The following SCN9A variants were observed in gnomAD, a reference collection of about 807,000 sequenced individuals.
SCN9A encodes the protein sodium channel protein type 9 subunit alpha.
A neutral mutation model predicts 187.0 loss-of-function variants in SCN9A; 131 were observed. That is an observed-to-expected ratio of 0.70 (90% CI 0.61 to 0.81). SCN9A has a LOEUF of 0.81. Ranked by LOEUF, SCN9A falls within the 30% of genes least tolerant of loss-of-function variation. The pLI is 0.00. For synonymous variants in SCN9A, 809 were observed against 808.6 expected (o/e 1.00, Z -0.01); for missense variants, 2,252 against 2,396.6 (o/e 0.94, Z 1.26).
intron 24 of SCN9A, among the ~76,000 whole-genome samples, chr2:166,210,183 C>A (rs1226527053): frequency 6.6e-6 from 1 of 152,048 alleles, no homozygotes; most frequent in African/African-American, 2.4e-5. Context: ...TGGAAACCAT[C>A]ATTCTCAGCA....
intron 18 of SCN9A, chr2:166,249,373 C>T (rs930536930): frequency 2.2e-4 from 33 of 152,086 alleles, no homozygotes; most frequent in Admixed American, 2.1e-3. Context: ...TGGAACTGGA[C>T]CTGGCACACA....
At chr2:166,201,462 TATA>T (rs1693520910) in intron 26 of SCN9A, among the ~76,000 whole-genome samples, 2 of 130,564 alleles carry the variant, frequency 1.5e-5, no homozygotes, top group Admixed American at 1.6e-4. Flanking sequence ...ATACTATATA[TATA>T]GTATAGAGTA....
chr2:166,364,527 C>T (rs1044570280), intron 1 of SCN9A, among the ~76,000 whole-genome samples: 4 of 152,054 alleles, frequency 2.6e-5, no homozygotes, highest in African/African-American at 7.2e-5. Context: ...ATATATGCTA[C>T]GACCCGGATG....
chr2:166,286,232 T>G, intron 11 of SCN9A, 104 bp downstream of exon 11: 59 of 1,088,750 alleles, frequency 5.4e-5, no homozygotes, highest in Non-Finnish European at 6.7e-5. Flanking sequence ...ATCATACCAA[T>G]GAAATCACTC....
At chr2:166,304,126 T>C (rs1214581471) in intron 6 of SCN9A, 112 bp downstream of exon 6, 3 of 1,613,330 alleles carry the variant, frequency 1.9e-6, no homozygotes, top group Admixed American at 3.3e-5. Flanking sequence ...CACATATCTG[T>C]AATAGGGGAG....
In SCN9A at chr2:166,286,353, A is replaced by T. The variant is rs1260425144; in HGVS notation, c.1585T>A (p.Leu529Met). Residue 529 changes from leucine (L) to methionine (M), a missense_variant, in exon 11 of 27, where the codon TTG (leucine) becomes ATG (methionine). Leu to Met is a conservative substitution (Grantham distance 15). This residue lies in a region of SCN9A where 1,013 missense variants were observed against 997.4 expected (regional missense o/e 1.02). Transcript: ENST00000642356. Reference protein sequence around the residue: ...EGHRRAHEKRLSTPNQSPLSI... With the variant: ...EGHRRAHEKRMSTPNQSPLSI... ...GGTGGTACCTGATTGGGGGTAGACA[A>T]CCTCTTTTCATGTGCTCGCCTATGC... is the stretch of plus-strand genomic sequence containing the variant. The T allele has an allele frequency of 9.3e-6, 15 of 1,609,002 alleles. No homozygotes were observed. Among genetic ancestry groups the T allele is most frequent in the Non-Finnish European group, 1.3e-5 (15 of 1,178,310 alleles).
chr2:166,228,654 A>G (rs1234647865), intron 22 of SCN9A, 37 bp downstream of exon 22: 6 of 1,516,376 alleles, frequency 4.0e-6, no homozygotes, highest in Non-Finnish European at 4.5e-6. Flanking sequence ...TCCAATATCT[A>G]TTAAAATACC....
chr2:166,348,926 G>C (rs1212901334), intron 1 of SCN9A, among the ~76,000 whole-genome samples: 1 of 152,068 alleles, frequency 6.6e-6, no homozygotes, highest in Non-Finnish European at 1.5e-5. Context: ...GGAAGTTCAA[G>C]ACCAGCCTGA....
chr2:166,326,935 A>G (rs1177886704), intron 1 of SCN9A, among the ~76,000 whole-genome samples: 1 of 152,168 alleles, frequency 6.6e-6, no homozygotes, highest in Non-Finnish European at 1.5e-5. Context: ...CTTCAGGCTG[A>G]AGACTGGGAC....
Position 166,199,140 on chromosome 2 carries a change from A to C in SCN9A, c.5499T>G (p.Gly1833=), listed in dbSNP as rs1260408906. The change falls in exon 27 of 27, where the codon GGT becomes GGG. Residue 1833 remains glycine (G), a synonymous_variant. Coordinates refer to ENST00000642356, the MANE Select transcript of SCN9A (RefSeq NM_001365536.1). ...AGATGTCAAGACAATGGATCCGGTCACCACTAACCATGGGCAGATCCATGG... is the reference window on the plus strand; with the variant it reads ...AGATGTCAAGACAATGGATCCGGTCCCCACTAACCATGGGCAGATCCATGG... The part of the protein sequence containing the change: ...LIAMDLPMVS[G]DRIHCLDILF... The C allele has an allele frequency of 6.2e-7, 1 of 1,614,190 alleles. No homozygotes were observed. The highest frequency in any genetic ancestry group is 1.1e-5 in the South Asian group (1 of 91,076).
intron 1 of SCN9A, among the ~76,000 whole-genome samples, chr2:166,365,698 T>A (rs1199962084): frequency 6.6e-6 from 1 of 152,228 alleles, no homozygotes; most frequent in Non-Finnish European, 1.5e-5. Flanking sequence ...ATTTACTTCA[T>A]GTCTCTACTC....
intron 1 of SCN9A, among the ~76,000 whole-genome samples, chr2:166,351,828 G>A (rs931826837): frequency 1.3e-5 from 2 of 151,992 alleles, no homozygotes; most frequent in Non-Finnish European, 2.9e-5. Context: ...TCATTATGGA[G>A]TTTTAAATAA....
Position 166,299,928 on chromosome 2 carries a change from C to T in SCN9A, c.901+3162G>A, listed in dbSNP as rs1048960567. On this transcript the variant is annotated intron_variant, in intron 7 of 26. Coordinates refer to ENST00000642356, the MANE Select transcript of SCN9A (RefSeq NM_001365536.1). ...TTGCAGCCAGAAACTGAGAAGTCAT[C>T]CTCAATGCTTCCTGTCTTCTTTAAT... Among the ~76,000 whole-genome samples, 4 of 150,870 alleles carry T rather than the reference C, an allele frequency of 2.7e-5. 1 individual carries two copies. Among genetic ancestry groups the T allele is most frequent in the African/African-American group, 7.5e-5 (3 of 40,250 alleles).
At chr2:166,217,958 C>A (rs1694407208) in intron 24 of SCN9A, among the ~76,000 whole-genome samples, 1 of 151,888 alleles carries the variant, frequency 6.6e-6, no homozygotes, top group Non-Finnish European at 1.5e-5. Flanking sequence ...TTACAAGAAC[C>A]AAGACATATT....
At chr2:166,273,201 C>T (rs770956805) in intron 16 of SCN9A, among the ~76,000 whole-genome samples, 2 of 152,050 alleles carry the variant, frequency 1.3e-5, no homozygotes, top group Non-Finnish European at 2.9e-5. Flanking sequence ...GCAGTAGTGC[C>T]TTAATCAAGT....
At chr2:166,374,931 C>A (rs1283891982) in intron 1 of SCN9A, among the ~76,000 whole-genome samples, 1 of 150,550 alleles carries the variant, frequency 6.6e-6, no homozygotes, top group African/African-American at 2.4e-5. Context: ...AAAAAAAAAA[C>A]TAAAATAATG....
chr2:166,352,061 A>C (rs1392127936), intron 1 of SCN9A, among the ~76,000 whole-genome samples: 8 of 152,168 alleles, frequency 5.3e-5, no homozygotes, highest in Admixed American at 3.3e-4. Flanking sequence ...CAATGTTAAA[A>C]TAGTACTTGA....
rs754646586 is a variant in SCN9A, at chr2:166,284,671, C to T, written c.1756G>A (p.Gly586Ser). ...GGTCTGTGGGGCACAAACAGTGAGCCCCTTCTGCTCTCATTGTCTCCAAAA... is the reference window on the plus strand; with the variant it reads ...GGTCTGTGGGGCACAAACAGTGAGCTCCTTCTGCTCTCATTGTCTCCAAAA... ...SIFGDNESRR[G>S]SLFVPHRPQE... The change falls in exon 12 of 27, where the codon GGC becomes AGC. Residue 586 changes from glycine to serine, a missense_variant. Gly to Ser is a moderately conservative substitution (Grantham distance 56). Transcript: ENST00000642356. 1 of 1,613,968 alleles carries T rather than the reference C, an allele frequency of 6.2e-7. No homozygotes were observed. Among genetic ancestry groups the T allele is most frequent in the Non-Finnish European group, 8.5e-7 (1 of 1,179,886 alleles).
chr2:166,270,484 G>A (rs1020248732), intron 17 of SCN9A, among the ~76,000 whole-genome samples: 4 of 151,164 alleles, frequency 2.6e-5, no homozygotes, highest in East Asian at 3.9e-4. Flanking sequence ...TTACTTTACC[G>A]TCTTGGAAAA....
Sources: allele counts gnomAD v4.1 joint callset (sites outside exome capture counted in the v4.1 genomes callset), GRCh38; gene constraint gnomAD v4.1.1; regional missense constraint gnomAD v4.1.1; transcripts MANE v1.5; gene names NCBI Gene and HGNC (gene_info 2026-07-23, HGNC 2026-07-21).